The following SNRPN variants were observed in gnomAD, a reference collection of about 807,000 sequenced individuals.
The protein encoded by SNRPN is small nuclear ribonucleoprotein-associated protein N.
Under a neutral mutation model 25.2 loss-of-function variants are expected in SNRPN, and 7 were observed. The ratio of observed to expected loss-of-function variants is 0.28; its 90% CI spans 0.16 to 0.52. The LOEUF (loss-of-function observed/expected upper bound fraction) is 0.52. SNRPN is among the 20% of genes least tolerant of loss of function. SNRPN has a pLI of 0.96. For missense variants in SNRPN, 196 were observed against 322.5 expected (o/e 0.61, Z 3.00); for synonymous variants, 124 against 110.6 (o/e 1.12, Z -0.76).
chr15:24,918,921 TAA>T lies in SNRPN; in HGVS notation c.-504-1089_-504-1088del, dbSNP rs1491136061. Among the ~76,000 whole-genome samples, 4 of 48,728 alleles carry T rather than the reference TAA, an allele frequency of 8.2e-5. 1 individual carries two copies. The highest frequency in any genetic ancestry group is 1.6e-4 in the Non-Finnish European group (4 of 25,768). 32.0% of individuals were successfully genotyped at this position (48,728 alleles called of 152,430 possible). ...TATATATGTGCACATATATATAACA[TAA>T]TATATATATGCGCACATATATATAA... On this transcript the variant is annotated intron_variant, in intron 2 of 11. Transcript: ENST00000400097.
chr15:24,952,658 G>C (rs1036186808), upstream of SNRPN, among the ~76,000 whole-genome samples: 1 of 152,172 alleles, frequency 6.6e-6, no homozygotes, highest in Non-Finnish European at 1.5e-5. Context: ...AGTTTGAAAA[G>C]AGAACACACC....
chr15:24,872,733 T>G (rs1595591684), intron 1 of SNRPN, among the ~76,000 whole-genome samples: 1 of 66,732 alleles, frequency 1.5e-5, no homozygotes, highest in Non-Finnish European at 2.8e-5. Flanking sequence ...GCAATAAGAG[T>G]GAAACTCCGT....
chr15:24,909,774 C>T (rs1189047232), intron 2 of SNRPN: 1 of 1,297,812 alleles, frequency 7.7e-7, no homozygotes, highest in South Asian at 1.2e-5. Context: ...CTAAATTTCA[C>T]TTGGTATCTC....
chr15:24,877,697 A>ACAC (rs1566858064), intron 1 of SNRPN, among the ~76,000 whole-genome samples: 3,268 of 113,878 alleles, frequency 0.029, 51 homozygotes, highest in Middle Eastern at 0.057. Context: ...CACACACACA[A>ACAC]ACACACTAGC....
rs150732976 is a variant in SNRPN at position 24,974,642 on chromosome 15, A to G, written c.3+186A>G. 7.6e-4 allele frequency: 506 copies of G among 666,820 alleles called. 1 individual carries two copies. In the African/African-American group the frequency reaches 7.9e-3, roughly 10 times the overall value. 41.3% of individuals were successfully genotyped at this position (666,820 alleles called of 1,614,324 possible). A position where few individuals can be genotyped will look rare whatever the true frequency, so the allele number is the denominator to read the frequency against. On this transcript the variant is annotated intron_variant, in intron 4 of 9. Transcript: ENST00000390687. Reference sequence around the variant, plus strand: ...ATTTTTTTATTTTTATTTTTTTCAGACGGGGTCTTGCTCTGTCTCCCAGTC... The same window carrying G: ...ATTTTTTTATTTTTATTTTTTTCAGGCGGGGTCTTGCTCTGTCTCCCAGTC...
chr15:24,891,163 C>T (rs77397536), intron 2 of SNRPN, among the ~76,000 whole-genome samples: 20,425 of 151,748 alleles, frequency 0.13, 1,588 homozygotes, highest in East Asian at 0.27. Context: ...TGCCCGCCTT[C>T]GCCTCCTTAA....
In SNRPN at chr15:24,956,322, T is replaced by C. The variant is rs887138532; in HGVS notation, c.-391+1260T>C. On this transcript the variant is annotated intron_variant, in intron 1 of 9. Transcript: ENST00000390687. ...GCAGCTCCTTCAAGATGGCCGCCGC[T>C]GCAGCGGCTTAGATCTGCGCAAGCG... 2.1e-5 allele frequency among the ~76,000 whole-genome samples: 3 copies of C among 141,066 alleles called. No individual in the cohort carries two copies. The Admixed American group carries it at 2.4e-4, about 11-fold the overall frequency. 92.5% of individuals were successfully genotyped at this position (141,066 alleles called of 152,430 possible).
chr15:24,924,295 G>A (rs191467971), intron 3 of SNRPN, among the ~76,000 whole-genome samples: 26 of 151,934 alleles, frequency 1.7e-4, no homozygotes, highest in African/African-American at 6.3e-4. Context: ...GTAACTTAGG[G>A]GAGAGTAAAC....
intron 1 of SNRPN, among the ~76,000 whole-genome samples, chr15:24,865,364 T>C (rs2054475689): frequency 6.6e-6 from 1 of 152,154 alleles, no homozygotes. Flanking sequence ...AACATTTAAA[T>C]GTATTACAGT....
intron 2 of SNRPN, among the ~76,000 whole-genome samples, chr15:24,889,974 C>T (rs529380216): frequency 3.1e-4 from 46 of 147,952 alleles, no homozygotes; most frequent in Non-Finnish European, 5.3e-4. Flanking sequence ...GGCTTGAACC[C>T]GAGAGGCAGA....
At position 24,936,004 on chromosome 15, in the gene SNRPN, A is replaced by G. The variant is rs1210350073; in HGVS notation, c.-391+15880A>G. Among the ~76,000 whole-genome samples the G allele has an allele frequency of 2.0e-5, 3 of 152,102 alleles. No individual in the cohort carries two copies. In the East Asian group the frequency reaches 5.8e-4, roughly 29 times the overall value. On this transcript the variant is annotated intron_variant, in intron 3 of 11. Transcript: ENST00000400097. ...GTAGCGCATGCCTGAAGTCCCAGCT[A>G]CTTGAGAGGCTGAGGCAGGAGAATC...
intron 3 of SNRPN, chr15:24,921,350 A>G (rs1595913694): frequency 6.6e-6 from 1 of 152,320 alleles, no homozygotes; most frequent in Non-Finnish European, 1.5e-5. Flanking sequence ...GAGGAGTTAC[A>G]GTCCCTCTCA....
intron 2 of SNRPN, among the ~76,000 whole-genome samples, chr15:24,892,610 G>T (rs554967252): frequency 9.4e-5 from 8 of 84,864 alleles, no homozygotes; most frequent in African/African-American, 4.1e-4. Context: ...GGTGGCACAT[G>T]CCTGTAATCC....
chr15:24,930,362 A>T (rs1595974512), intron 3 of SNRPN, among the ~76,000 whole-genome samples: 1 of 151,736 alleles, frequency 6.6e-6, no homozygotes, highest in Non-Finnish European at 1.5e-5. Flanking sequence ...AAAATATTTT[A>T]TGCATAGATA....
intron 3 of SNRPN, among the ~76,000 whole-genome samples, chr15:24,930,060 G>A (rs540610310): frequency 4.5e-4 from 68 of 151,970 alleles, no homozygotes; most frequent in South Asian, 2.7e-3. Context: ...GGTGGCAGGT[G>A]CCTGTAGTGA....
At chr15:24,862,230 A>T (rs1271519858) in intron 1 of SNRPN, among the ~76,000 whole-genome samples, 1 of 151,206 alleles carries the variant, frequency 6.6e-6, no homozygotes, top group Non-Finnish European at 1.5e-5. Context: ...ATATTAATGT[A>T]AGCGAATTTT....
chr15:24,841,539 C>T (rs1456906919), intron 2 of SNRPN, among the ~76,000 whole-genome samples: 1 of 152,120 alleles, frequency 6.6e-6, no homozygotes, highest in African/African-American at 2.4e-5. Context: ...TATCCAAGCA[C>T]CTGAGAAAAA....
intron 3 of SNRPN, among the ~76,000 whole-genome samples, chr15:24,935,083 G>A (rs982152976): frequency 1.3e-4 from 20 of 152,018 alleles, no homozygotes; most frequent in Admixed American, 6.6e-4. Flanking sequence ...ACCAGCCTGG[G>A]CAACACAGTC....
At chr15:24,858,013 G>T (rs1274887969) in intron 1 of SNRPN, among the ~76,000 whole-genome samples, 1 of 152,088 alleles carries the variant, frequency 6.6e-6, no homozygotes, top group Admixed American at 6.6e-5. Context: ...TCAGTTTATT[G>T]ATCTGGGTGG....
Sources: allele counts gnomAD v4.1 joint callset (sites outside exome capture counted in the v4.1 genomes callset), GRCh38; gene constraint gnomAD v4.1.1; transcripts MANE v1.5; gene names NCBI Gene and HGNC (gene_info 2026-07-23, HGNC 2026-07-21).